The following CACNA1C variants were observed in gnomAD, a reference collection of about 807,000 sequenced individuals.
CACNA1C encodes the protein calcium voltage-gated channel subunit alpha1 C.
A neutral mutation model predicts 229.0 loss-of-function variants in CACNA1C; 30 were observed. The ratio of observed to expected loss-of-function variants is 0.13; its 90% CI spans 0.10 to 0.18. CACNA1C has a LOEUF of 0.18. CACNA1C is among the 10% of genes least tolerant of loss of function. The pLI is 1.00. For synonymous variants in CACNA1C, 1,114 were observed against 1,132.5 expected (o/e 0.98, Z 0.33); for missense variants, 1,658 against 2,845.0 (o/e 0.58, Z 9.49).
intron 2 of CACNA1C, among the ~76,000 whole-genome samples, chr12:2,117,304 C>G (rs935385217): frequency 6.6e-6 from 1 of 150,656 alleles, no homozygotes. Flanking sequence ...AATGTTTGAG[C>G]CCCTCAACTT....
chr12:2,554,641 C>T (rs55964143), intron 10 of CACNA1C, among the ~76,000 whole-genome samples: 2 of 152,200 alleles, frequency 1.3e-5, no homozygotes, highest in Non-Finnish European at 2.9e-5. Flanking sequence ...TCCTGGCTTG[C>T]GTCCTCTCAC....
chr12:2,448,507 A>G (rs1044931529), intron 3 of CACNA1C, among the ~76,000 whole-genome samples: 4 of 152,076 alleles, frequency 2.6e-5, no homozygotes, highest in African/African-American at 7.2e-5. Context: ...GAACTCGGCT[A>G]GTACCCTCCC....
intron 3 of CACNA1C, among the ~76,000 whole-genome samples, chr12:2,143,327 A>G (rs2094437501): frequency 6.6e-6 from 1 of 151,126 alleles, no homozygotes; most frequent in Admixed American, 6.7e-5. Context: ...TAAAGTCGAC[A>G]GTAGTGTCCT....
chr12:2,696,853 C>T lies in CACNA1C; in HGVS notation c.*5654C>T, dbSNP rs1445226138. The T allele has an allele frequency of 2.6e-5, 4 of 152,038 alleles. No homozygotes were observed. Among genetic ancestry groups the T allele is most frequent in the Non-Finnish European group, 5.9e-5 (4 of 67,994 alleles). The allele number at this position is 152,038 out of a possible 1,614,324, so 9.4% of individuals were successfully genotyped here. A position where few individuals can be genotyped will look rare whatever the true frequency, so the allele number is the denominator to read the frequency against. On this transcript the variant is annotated 3_prime_UTR_variant, in exon 47 of 47. Transcript: ENST00000399655. ...CCTGAGGCTGCAGGTTTCAGGGACCCCCTTGAAGAAACCTCTCCTGGCCAT... is the reference window on the plus strand; with the variant it reads ...CCTGAGGCTGCAGGTTTCAGGGACCTCCTTGAAGAAACCTCTCCTGGCCAT...
chr12:2,547,111 A>C (rs2099882750), intron 9 of CACNA1C, among the ~76,000 whole-genome samples: 1 of 152,196 alleles, frequency 6.6e-6, no homozygotes, highest in South Asian at 2.1e-4. Context: ...CTATGGAAAC[A>C]ACAGGGATGA....
At chr12:2,529,467 G>GA (rs1347080041) in intron 9 of CACNA1C, among the ~76,000 whole-genome samples, 7 of 152,188 alleles carry the variant, frequency 4.6e-5, no homozygotes, top group African/African-American at 1.4e-4. Context: ...ACAGATCCTG[G>GA]TGCATAGGCA....
At chr12:2,205,042 A>G (rs753671383) in intron 3 of CACNA1C, among the ~76,000 whole-genome samples, 13 of 151,518 alleles carry the variant, frequency 8.6e-5, no homozygotes, top group Non-Finnish European at 1.8e-4. Flanking sequence ...CTCCCTTCCC[A>G]GGGAGAGGGT....
chr12:2,372,957 T>C (rs1266735875), intron 3 of CACNA1C, among the ~76,000 whole-genome samples: 2 of 152,196 alleles, frequency 1.3e-5, no homozygotes, highest in African/African-American at 4.8e-5. Context: ...GCCGAGAAGC[T>C]CCTTGACTCA....
At chr12:2,129,792 T>C (rs937032539) in intron 3 of CACNA1C, among the ~76,000 whole-genome samples, 7 of 152,322 alleles carry the variant, frequency 4.6e-5, no homozygotes, top group Admixed American at 3.9e-4. Flanking sequence ...GTGCCTTTCA[T>C]GCACCACCCT....
Position 2,679,069 on chromosome 12 carries a change from C to T in CACNA1C, c.5092-375C>T, listed in dbSNP as rs771566161. 7.2e-5 allele frequency among the ~76,000 whole-genome samples: 11 copies of T among 152,214 alleles called. No homozygotes were observed. The highest frequency in any genetic ancestry group is 3.9e-4 in the Admixed American group (6 of 15,282). ...CCCCGCCCTCACGGTGTGCTGGCTG[C>T]TCTTAGGGACCACCATCCTAGACGT... On this transcript the variant is annotated intron_variant, in intron 41 of 46. Coordinates refer to ENST00000399655, the MANE Select transcript of CACNA1C (RefSeq NM_000719.7). This position sits in a 1 kb window ranked among gnomAD's most constrained non-coding sequence, Gnocchi z 5.5.
rs540275140 is a variant in CACNA1C at position 2,694,658 on chromosome 12, G to T, written c.*3459G>T. 2.0e-5 allele frequency: 3 copies of T among 152,166 alleles called. No homozygotes were observed. Among genetic ancestry groups the T allele is most frequent in the African/African-American group, 7.2e-5 (3 of 41,434 alleles). The allele number at this position is 152,166 out of a possible 1,614,324, so 9.4% of individuals were successfully genotyped here. A position where few individuals can be genotyped will look rare whatever the true frequency, so the allele number is the denominator to read the frequency against. ...GTGCTTGTCTGGAGTGAAGCTACCC[G>T]TTACTTTCTCCCAGCTTTTCTCCAC... is the stretch of plus-strand genomic sequence containing the variant. On this transcript the variant is annotated 3_prime_UTR_variant, in exon 47 of 47. Coordinates refer to ENST00000399655, the MANE Select transcript of CACNA1C (RefSeq NM_000719.7).
intron 1 of CACNA1C, among the ~76,000 whole-genome samples, chr12:2,025,277 C>T (rs1458650394): frequency 4.6e-5 from 7 of 152,196 alleles, no homozygotes; most frequent in Non-Finnish European, 8.8e-5. Flanking sequence ...CTGCGTTCCA[C>T]AGAACATCTG....
chr12:2,256,916 G>A (rs549817817), intron 3 of CACNA1C, among the ~76,000 whole-genome samples: 75 of 152,198 alleles, frequency 4.9e-4, no homozygotes, highest in African/African-American at 1.8e-3. Context: ...TTTTTAGAGG[G>A]GGCATGAGAA....
chr12:2,252,658 A>G (rs2076003534), intron 3 of CACNA1C, among the ~76,000 whole-genome samples: 1 of 152,192 alleles, frequency 6.6e-6, no homozygotes, highest in African/African-American at 2.4e-5. Context: ...GAGATTATTC[A>G]GGTTCTATGT....
chr12:2,553,490 A>G (rs1360757357), intron 10 of CACNA1C, among the ~76,000 whole-genome samples: 2 of 152,252 alleles, frequency 1.3e-5, no homozygotes, highest in Non-Finnish European at 2.9e-5. Flanking sequence ...GAAGGGCAGT[A>G]TAGAGACTGA....
chr12:2,267,485 C>T (rs75548797), intron 3 of CACNA1C, among the ~76,000 whole-genome samples: 1 of 152,104 alleles, frequency 6.6e-6, no homozygotes, highest in Non-Finnish European at 1.5e-5. Context: ...GAGGAAACAG[C>T]TGAGCACCTG....
rs2154577538 is a variant in CACNA1C, at chr12:2,504,817, A to G, written c.1114-25A>G. ...CGTGCTCGGTTGCTGAGTGTGCCTC[A>G]CTAACTATCATTCCGTTCTTCCAGG... On this transcript the variant is annotated intron_variant, in intron 7 of 46. Coordinates refer to ENST00000399655, the MANE Select transcript of CACNA1C (RefSeq NM_000719.7). The surrounding 1 kb of genome is among the most constrained non-coding windows in gnomAD (Gnocchi z 6.8). 1.5e-6 allele frequency: 2 copies of G among 1,358,384 alleles called. No individual in the cohort carries two copies. The highest frequency in any genetic ancestry group is 1.7e-5 in the Admixed American group (1 of 59,410). The allele number at this position is 1,358,384 out of a possible 1,614,324, so 84.1% of individuals were successfully genotyped here.
At chr12:2,400,500 C>T (rs1035274609) in intron 3 of CACNA1C, among the ~76,000 whole-genome samples, 5 of 152,182 alleles carry the variant, frequency 3.3e-5, no homozygotes, top group Non-Finnish European at 5.9e-5. Context: ...CATCCCCATG[C>T]TGTACGAGCA....
intron 3 of CACNA1C, among the ~76,000 whole-genome samples, chr12:2,214,192 T>C (rs141987781): frequency 6.6e-6 from 1 of 152,320 alleles, no homozygotes; most frequent in African/African-American, 2.4e-5. Context: ...TTTGTCCATC[T>C]CTAAAGCAGC....
Sources: gnomAD v4.1 joint callset for allele counts (sites outside exome capture counted in the v4.1 genomes callset) on GRCh38, gnomAD v4.1.1 for gene constraint, Gnocchi (gnomAD v3.1) non-coding constraint, MANE v1.5 for transcripts, NCBI Gene and HGNC (gene_info 2026-07-23, HGNC 2026-07-21) for gene names.